SWT1: variants seen among roughly 807,000 people sequenced by gnomAD.
The protein encoded by SWT1 is SWT1 RNA endoribonuclease homolog, also known as transcriptional protein SWT1.
Under a neutral mutation model 107.3 loss-of-function variants are expected in SWT1, and 33 were observed. The ratio of observed to expected loss-of-function variants is 0.31; its 90% confidence interval spans 0.23 to 0.41. The LOEUF (loss-of-function observed/expected upper bound fraction) is 0.41. SWT1 is among the 10% of genes least tolerant of loss of function. The pLI is 1.00. For missense variants in SWT1, 898 were observed against 1,028.9 expected, an observed-to-expected ratio of 0.87 and a Z score of 1.74; for synonymous variants, 345 against 348.3, an observed-to-expected ratio of 0.99 and a Z score of 0.11.
intron 9 of SWT1, among the ~76,000 whole-genome samples, chr1:185,189,852 TA>T (rs1300521214): frequency 6.7e-6 from 1 of 150,228 alleles, no homozygotes; most frequent in Non-Finnish European, 1.5e-5. Context: ...AATACATATA[TA>T]CTTTTTTTTT....
intron 2 of SWT1, among the ~76,000 whole-genome samples, chr1:185,163,298 A>G (rs1225195259): frequency 6.6e-6 from 1 of 152,126 alleles, no homozygotes; most frequent in East Asian, 1.9e-4. Context: ...TCTCATTTCA[A>G]CAGTGTGCAT....
At chr1:185,188,323 A>G (rs978965793) in intron 9 of SWT1, among the ~76,000 whole-genome samples, 1 of 152,214 alleles carries the variant, frequency 6.6e-6, no homozygotes, top group Middle Eastern at 3.2e-3. Context: ...TGAGTTTGAT[A>G]CTGTTACAGC....
chr1:185,205,224 T>C (rs574589620), intron 12 of SWT1, among the ~76,000 whole-genome samples: 5 of 152,190 alleles, frequency 3.3e-5, no homozygotes, highest in African/African-American at 9.6e-5. Context: ...AAAAGAAGTA[T>C]GTATTTTTGC....
At chr1:185,256,185 C>G (rs1003438813) in intron 16 of SWT1, among the ~76,000 whole-genome samples, 10 of 151,704 alleles carry the variant, frequency 6.6e-5, no homozygotes, top group Non-Finnish European at 7.4e-5. Context: ...TGTGGGTAAC[C>G]CGACCTTTCT....
chr1:185,257,652 G>A (rs1269214215), intron 16 of SWT1, among the ~76,000 whole-genome samples: 2 of 152,156 alleles, frequency 1.3e-5, no homozygotes, highest in African/African-American at 2.4e-5. Flanking sequence ...CACATGGTGC[G>A]CGCACCCACT....
chr1:185,220,226 C>G (rs1571539075), intron 14 of SWT1, among the ~76,000 whole-genome samples: 1 of 114,914 alleles, frequency 8.7e-6, no homozygotes, highest in African/African-American at 3.1e-5. Context: ...ATTTTCTTGT[C>G]TCTTTTTCTT....
intron 10 of SWT1, among the ~76,000 whole-genome samples, chr1:185,196,377 T>C (rs1231335126): frequency 6.6e-6 from 1 of 152,246 alleles, no homozygotes; most frequent in Admixed American, 6.5e-5. Context: ...CATACTGTTT[T>C]TGTTACTGTG....
chr1:185,163,549 A>G (rs1408473142), intron 2 of SWT1, among the ~76,000 whole-genome samples: 1 of 152,028 alleles, frequency 6.6e-6, no homozygotes, highest in Non-Finnish European at 1.5e-5. Flanking sequence ...ACCCGCCACC[A>G]TGCCCAGCTA....
intron 2 of SWT1, among the ~76,000 whole-genome samples, chr1:185,162,146 C>T (rs1211400037): frequency 2.0e-5 from 3 of 152,216 alleles, no homozygotes; most frequent in African/African-American, 7.2e-5. Context: ...TCAGCATCTC[C>T]ATTTGTCATT....
chr1:185,267,502 C>G (rs1032363566), intron 16 of SWT1, among the ~76,000 whole-genome samples: 10 of 152,206 alleles, frequency 6.6e-5, no homozygotes, highest in Middle Eastern at 3.2e-3. Context: ...CTGTGAGCTG[C>G]AGATTACATC....
intron 18 of SWT1, among the ~76,000 whole-genome samples, chr1:185,286,772 G>T (rs532492551): frequency 2.8e-4 from 42 of 152,010 alleles, no homozygotes; most frequent in African/African-American, 9.4e-4. Context: ...TTCCAGTTTG[G>T]ATCTCTTTTA....
chr1:185,252,388 A>T (rs1662106737), intron 16 of SWT1, among the ~76,000 whole-genome samples: 1 of 152,218 alleles, frequency 6.6e-6, no homozygotes, highest in African/African-American at 2.4e-5. Flanking sequence ...ACTAGTTTAT[A>T]GTCCCACCAA....
At chr1:185,184,433 A>G (rs113830021) in intron 8 of SWT1, 89 bp downstream of exon 8, 6 of 787,586 alleles carry the variant, frequency 7.6e-6, no homozygotes, top group African/African-American at 3.5e-5. Flanking sequence ...TGCCATGAAC[A>G]TGTCTCCATT....
At chr1:185,204,657 C>T in intron 11 of SWT1, 43 bp from the exon 12 acceptor site, 1 of 1,143,464 alleles carries the variant, frequency 8.7e-7, no homozygotes, top group Non-Finnish European at 1.2e-6. Flanking sequence ...ATAATAATTA[C>T]TGTTAGCATT....
intron 13 of SWT1, among the ~76,000 whole-genome samples, chr1:185,207,682 G>A (rs952444119): frequency 4.6e-5 from 7 of 152,084 alleles, no homozygotes; most frequent in Admixed American, 3.9e-4. Context: ...TGGGTGAATT[G>A]CTTGACCCCA....
intron 15 of SWT1, chr1:185,227,585 A>G (rs1217118401): frequency 2.8e-5 from 14 of 508,166 alleles, no homozygotes; most frequent in African/African-American, 1.4e-4. Context: ...TTTTTATCCT[A>G]TTATCACCAA....
At chr1:185,265,854 A>AT (rs965125479) in intron 16 of SWT1, among the ~76,000 whole-genome samples, 2 of 152,142 alleles carry the variant, frequency 1.3e-5, no homozygotes, top group African/African-American at 4.8e-5. Context: ...ATAAAAGTGA[A>AT]TTTTTAATAT....
intron 16 of SWT1, among the ~76,000 whole-genome samples, chr1:185,260,272 G>T (rs1264087853): frequency 6.6e-6 from 1 of 152,096 alleles, no homozygotes; most frequent in Non-Finnish European, 1.5e-5. Context: ...GTAGGTACAG[G>T]ATGAGAGAAC....
intron 2 of SWT1, 65 bp downstream of exon 2, chr1:185,160,990 A>G (rs1654097477): frequency 4.5e-6 from 5 of 1,112,884 alleles, no homozygotes; most frequent in Non-Finnish European, 6.7e-6. Flanking sequence ...TGAAAAAAAT[A>G]CACCTTACTA....
Sources: gnomAD v4.1 joint callset for allele counts (sites outside exome capture counted in the v4.1 genomes callset) on GRCh38, gnomAD v4.1.1 for gene constraint, MANE v1.5 for transcripts, NCBI Gene and HGNC (gene_info 2026-07-23, HGNC 2026-07-21) for gene names.